The following ESR2 variants were observed in gnomAD, a reference collection of about 807,000 sequenced individuals.
ESR2 encodes the protein estrogen receptor beta.
ESR2 carries 36 observed loss-of-function variants against 49.6 expected under a neutral mutation model. The observed-to-expected ratio is 0.73, with a 90% CI of 0.56 to 0.96. ESR2 has a LOEUF of 0.96. Ranked by LOEUF, ESR2 falls within the 40% of genes least tolerant of loss-of-function variation. The probability of loss-of-function intolerance (pLI) is 0.00; values close to 1 mark genes in which losing one functional copy is unlikely to be tolerated. For synonymous variants in ESR2, 320 were observed against 266.1 expected, an observed-to-expected ratio of 1.20 and a Z score of -1.97; for missense variants, 714 against 693.0, an observed-to-expected ratio of 1.03 and a Z score of -0.34.
At chr14:64,274,139 G>A (rs2076507240) in intron 3 of ESR2, among the ~76,000 whole-genome samples, 4 of 151,416 alleles carry the variant, frequency 2.6e-5, no homozygotes, top group Admixed American at 2.6e-4. Flanking sequence ...TAGAGATAGG[G>A]ATCTCTGTGT....
chr14:64,304,314 T>A (rs2077063406), intron 1 of ESR2, among the ~76,000 whole-genome samples: 1 of 151,970 alleles, frequency 6.6e-6, no homozygotes, highest in Non-Finnish European at 1.5e-5. Flanking sequence ...CATACAAGAC[T>A]AGTGCATATG....
chr14:64,277,333 A>G (rs762285922), intron 3 of ESR2, among the ~76,000 whole-genome samples: 15 of 152,164 alleles, frequency 9.9e-5, no homozygotes, highest in Non-Finnish European at 1.9e-4. Context: ...ATTATAAAAA[A>G]CATAAGAATG....
chr14:64,300,273 G>C (rs2077007367), intron 1 of ESR2, among the ~76,000 whole-genome samples: 1 of 152,212 alleles, frequency 6.6e-6, no homozygotes, highest in Admixed American at 6.5e-5. Context: ...CTCCTTGCAA[G>C]AGATTCAGTT....
At chr14:64,312,423 T>G (rs191270866) in intron 1 of ESR2, among the ~76,000 whole-genome samples, 1 of 152,306 alleles carries the variant, frequency 6.6e-6, no homozygotes, top group Admixed American at 6.5e-5. Context: ...GTCTCACACC[T>G]GTAATCCCAG....
At chr14:64,267,755 G>A (rs1248204232) in intron 4 of ESR2, among the ~76,000 whole-genome samples, 1 of 151,636 alleles carries the variant, frequency 6.6e-6, no homozygotes, top group African/African-American at 2.4e-5. Flanking sequence ...GTGGTGGTGG[G>A]TGCCTGTAGT....
chr14:64,233,548 A>C, intron 8 of ESR2: 2 of 532,016 alleles, frequency 3.8e-6, no homozygotes, highest in Non-Finnish European at 6.7e-6. Context: ...CACACCTACA[A>C]TGGCCTGACA....
intron 1 of ESR2, among the ~76,000 whole-genome samples, chr14:64,293,189 C>A (rs1055114955): frequency 1.8e-4 from 27 of 152,184 alleles, no homozygotes; most frequent in Admixed American, 6.5e-5. Context: ...TTTTACAACA[C>A]TCTCAGAAAA....
At chr14:64,309,927 A>G (rs2077164525) in intron 1 of ESR2, among the ~76,000 whole-genome samples, 1 of 151,988 alleles carries the variant, frequency 6.6e-6, no homozygotes, top group African/African-American at 2.4e-5. Context: ...TCTAATAAAA[A>G]TACAAAAAAT....
At chr14:64,227,979 A>G (rs1458798084), downstream of ESR2, 4 of 1,575,286 alleles carry the variant, frequency 2.5e-6, no homozygotes, top group South Asian at 1.2e-5. Flanking sequence ...CAGAAAATCT[A>G]TCCAAATAAT....
At chr14:64,243,613 G>C (rs1401256556) in intron 7 of ESR2, among the ~76,000 whole-genome samples, 1 of 152,096 alleles carries the variant, frequency 6.6e-6, no homozygotes, top group South Asian at 2.1e-4. Flanking sequence ...TTTTTTGTTT[G>C]GTAGGATCAT....
At chr14:64,311,300 A>C (rs946913035) in intron 1 of ESR2, among the ~76,000 whole-genome samples, 3 of 152,164 alleles carry the variant, frequency 2.0e-5, no homozygotes, top group African/African-American at 4.8e-5. Context: ...TTCAAAACCT[A>C]CTGTTTGATT....
chr14:64,245,112 C>T (rs1489466894), intron 7 of ESR2, among the ~76,000 whole-genome samples: 2 of 152,130 alleles, frequency 1.3e-5, no homozygotes, highest in Admixed American at 6.5e-5. Flanking sequence ...ATCCTTAAAA[C>T]CTAGCATAGA....
chr14:64,262,262 GCAC>G (rs1022078818), intron 4 of ESR2, among the ~76,000 whole-genome samples: 1 of 151,962 alleles, frequency 6.6e-6, no homozygotes, highest in African/African-American at 2.4e-5. Context: ...CTACAAGTGT[GCAC>G]CACCACATCT....
At position 64,230,585 on chromosome 14, in the gene ESR2, C is replaced by T. The variant is rs917076733; in HGVS notation, c.*2552G>A. The stretch of plus-strand genomic sequence containing the variant: ...TTTGTGACTAGGCTGACAGCTTTGT[C>T]TTGTGTTCCCGCCTTAATTTTTTGA... On this transcript the variant is annotated 3_prime_UTR_variant, in exon 9 of 9. Coordinates refer to ENST00000341099, the MANE Select transcript of ESR2 (RefSeq NM_001437.3). 7.2e-5 allele frequency among the ~76,000 whole-genome samples: 11 copies of T among 151,998 alleles called. No homozygotes were observed. Among genetic ancestry groups the T allele is most frequent in the Admixed American group, 7.2e-4 (11 of 15,262 alleles).
chr14:64,308,641 T>G (rs765808395), intron 1 of ESR2, among the ~76,000 whole-genome samples: 1 of 152,236 alleles, frequency 6.6e-6, no homozygotes, highest in Non-Finnish European at 1.5e-5. Flanking sequence ...ATGTGTATTC[T>G]GCTATTGTTA....
intron 1 of ESR2, among the ~76,000 whole-genome samples, chr14:64,318,721 A>C (rs1284838767): frequency 6.6e-6 from 1 of 151,578 alleles, no homozygotes; most frequent in Admixed American, 6.6e-5. Flanking sequence ...TCAACACAGC[A>C]AGATTCCATC....
In ESR2 at chr14:64,335,320, T is replaced by C. The variant is rs553075293; in HGVS notation, c.-91+2578A>G. Among the ~76,000 whole-genome samples, 253 of 152,324 alleles carry C rather than the reference T, an allele frequency of 1.7e-3. 2 individuals carry two copies. Among genetic ancestry groups the C allele is most frequent in the African/African-American group, 5.9e-3 (247 of 41,578 alleles). ...CTTTATCATTTAACAAAGCTATCTGTCTTAACTTGGGCTGCTATAACAAAA... is the reference window on the plus strand; with the variant it reads ...CTTTATCATTTAACAAAGCTATCTGCCTTAACTTGGGCTGCTATAACAAAA... On this transcript the variant is annotated intron_variant, in intron 1 of 8. Coordinates refer to the ESR2 transcript ENST00000358599.
At position 64,230,591 on chromosome 14, in the gene ESR2, T is replaced by C. The variant is rs1433140289; in HGVS notation, c.*2546A>G. Among the ~76,000 whole-genome samples, 1 of 152,114 alleles carries C rather than the reference T, an allele frequency of 6.6e-6. No homozygotes were observed. The highest frequency in any genetic ancestry group is 1.5e-5 in the Non-Finnish European group (1 of 68,026). ...ACTAGGCTGACAGCTTTGTCTTGTG[T>C]TCCCGCCTTAATTTTTTGAGAAAAA... is the stretch of plus-strand genomic sequence containing the variant. On this transcript the variant is annotated 3_prime_UTR_variant, in exon 9 of 9. Transcript: ENST00000341099.
chr14:64,271,352 G>A (rs998842688), intron 3 of ESR2, among the ~76,000 whole-genome samples: 1 of 151,806 alleles, frequency 6.6e-6, no homozygotes, highest in Non-Finnish European at 1.5e-5. Context: ...TGGAGACGGA[G>A]TCTCTCTCTG....
Sources: allele counts gnomAD v4.1 joint callset (sites outside exome capture counted in the v4.1 genomes callset), GRCh38; gene constraint gnomAD v4.1.1; transcripts MANE v1.5; gene names NCBI Gene and HGNC (gene_info 2026-07-23, HGNC 2026-07-21).